The following SMOC2 variants were observed in gnomAD, a reference collection of about 807,000 sequenced individuals.
The protein encoded by SMOC2 is SPARC-related modular calcium-binding protein 2.
Under a neutral mutation model 61.4 loss-of-function variants are expected in SMOC2, and 39 were observed. The ratio of observed to expected loss-of-function variants is 0.64; its 90% CI spans 0.49 to 0.83. SMOC2 has a LOEUF of 0.83. Ranked by LOEUF, SMOC2 falls within the 40% of genes least tolerant of loss-of-function variation. The probability of loss-of-function intolerance (pLI) is 0.00; values close to 1 mark genes in which losing one functional copy is unlikely to be tolerated. For synonymous variants in SMOC2, 247 were observed against 239.9 expected, an observed-to-expected ratio of 1.03 and a Z score of -0.27; for missense variants, 556 against 592.9, an observed-to-expected ratio of 0.94 and a Z score of 0.65.
intron 9 of SMOC2, among the ~76,000 whole-genome samples, chr6:168,622,886 T>C (rs1302857121): frequency 6.6e-6 from 1 of 152,164 alleles, no homozygotes; most frequent in African/African-American, 2.4e-5. Context: ...CATGCCCACA[T>C]TTCTCCAAGG....
At chr6:168,582,948 A>G (rs1022819131) in intron 7 of SMOC2, among the ~76,000 whole-genome samples, 1 of 150,378 alleles carries the variant, frequency 6.6e-6, no homozygotes, top group African/African-American at 2.4e-5. Context: ...GCCTCCCTCA[A>G]TCTCCCCCTC....
chr6:168,454,713 GA>G (rs1781543130), intron 1 of SMOC2, among the ~76,000 whole-genome samples: 1 of 152,154 alleles, frequency 6.6e-6, no homozygotes, highest in Non-Finnish European at 1.5e-5. Flanking sequence ...TAAAATATGT[GA>G]AAAAAATCAT....
At chr6:168,515,203 CA>C (rs1031088720) in intron 2 of SMOC2, among the ~76,000 whole-genome samples, 1 of 151,998 alleles carries the variant, frequency 6.6e-6, no homozygotes, top group African/African-American at 2.4e-5. Context: ...GAGAAGTAGG[CA>C]AAAATAAAAT....
In SMOC2 at chr6:168,637,379, G is replaced by A. The variant is rs141866993; in HGVS notation, c.908-13302G>A. On this transcript the variant is annotated intron_variant, in intron 9 of 12. Coordinates refer to ENST00000356284, the MANE Select transcript of SMOC2 (RefSeq NM_001166412.2). Reference sequence around the variant, plus strand: ...CCTGGACCTGGAAGTGAGTTGTGGCGTCCACAGGACAGCTGAAGTCCTGCA... The same window carrying A: ...CCTGGACCTGGAAGTGAGTTGTGGCATCCACAGGACAGCTGAAGTCCTGCA... Among the ~76,000 whole-genome samples the A allele has an allele frequency of 3.7e-3, 560 of 152,248 alleles. 3 individuals carry two copies. Among genetic ancestry groups the A allele is most frequent in the Non-Finnish European group, 5.9e-3 (402 of 68,018 alleles).
At chr6:168,592,336 T>G (rs577848154) in intron 7 of SMOC2, among the ~76,000 whole-genome samples, 42 of 145,478 alleles carry the variant, frequency 2.9e-4, no homozygotes, top group African/African-American at 1.0e-3. Context: ...TTCTAGAGGA[T>G]CTCCGAGCTC....
In SMOC2 at chr6:168,453,922, G is replaced by C. The variant is rs1193786156; in HGVS notation, c.84+12468G>C. ...TTTCTCTCTGTCTTCCTCTCTCTCT[G>C]TCTCTCTGATTCTATCTTTGGTCTC... On this transcript the variant is annotated intron_variant, in intron 1 of 12. Coordinates refer to ENST00000356284, the MANE Select transcript of SMOC2 (RefSeq NM_001166412.2). The surrounding 1 kb of genome is among the most constrained non-coding windows in gnomAD (Gnocchi z 4.4). Among the ~76,000 whole-genome samples the C allele has an allele frequency of 6.6e-6, 1 of 151,064 alleles. No individual in the cohort carries two copies. The highest frequency in any genetic ancestry group is 1.5e-5 in the Non-Finnish European group (1 of 67,778).
intron 11 of SMOC2, 107 bp downstream of exon 11, chr6:168,653,335 C>CA (rs79649097): frequency 0.035 from 46,541 of 1,313,142 alleles, 1,418 homozygotes; most frequent in East Asian, 0.16. Context: ...CCTGGGAGTG[C>CA]AAAAAATCAA....
Position 168,598,942 on chromosome 6 carries a change from C to T in SMOC2, c.762C>T (p.Ser254=), listed in dbSNP as rs1341691714. ...GLYKPVQCHP[S]TGYCWCVLVD... ...ACAAGCCAGTGCAGTGCCACCCCTCCACGGGGTACTGCTGGTGCGTCCTGG... is the reference window on the plus strand; with the variant it reads ...ACAAGCCAGTGCAGTGCCACCCCTCTACGGGGTACTGCTGGTGCGTCCTGG... The change falls in exon 8 of 13, where the codon TCC becomes TCT. Residue 254 remains serine, a synonymous_variant. Transcript: ENST00000356284. 4 of 1,613,500 alleles carry T rather than the reference C, an allele frequency of 2.5e-6. No homozygotes were observed. In the Admixed American group the frequency reaches 5.0e-5, roughly 20 times the overall value.
intron 1 of SMOC2, among the ~76,000 whole-genome samples, chr6:168,483,985 C>T (rs1451388162): frequency 6.6e-6 from 1 of 152,098 alleles, no homozygotes; most frequent in Non-Finnish European, 1.5e-5. Flanking sequence ...AACTGTGAAA[C>T]TCCTGGAAGA....
intron 11 of SMOC2, among the ~76,000 whole-genome samples, chr6:168,662,503 A>G (rs1264259280): frequency 6.6e-6 from 1 of 152,202 alleles, no homozygotes; most frequent in African/African-American, 2.4e-5. Context: ...CTGGAGAGGA[A>G]CAGGCATCCG....
intron 9 of SMOC2, among the ~76,000 whole-genome samples, chr6:168,636,373 GT>G (rs1270061056): frequency 6.6e-6 from 1 of 152,226 alleles, no homozygotes; most frequent in Non-Finnish European, 1.5e-5. Flanking sequence ...GAGCCATATA[GT>G]ACAATGTGAA....
chr6:168,648,948 G>T (rs1787118432), intron 9 of SMOC2, among the ~76,000 whole-genome samples: 2 of 152,142 alleles, frequency 1.3e-5, no homozygotes, highest in Non-Finnish European at 2.9e-5. Flanking sequence ...CGGCCACATG[G>T]TCCACGCCAA....
intron 9 of SMOC2, among the ~76,000 whole-genome samples, chr6:168,618,204 C>T (rs1250308361): frequency 6.6e-6 from 1 of 152,248 alleles, no homozygotes; most frequent in African/African-American, 2.4e-5. Context: ...AAACGCGAGG[C>T]CTCCGTGCTC....
chr6:168,550,118 G>GT (rs1242108162), intron 7 of SMOC2, among the ~76,000 whole-genome samples: 1 of 152,154 alleles, frequency 6.6e-6, no homozygotes, highest in African/African-American at 2.4e-5. Flanking sequence ...TTGCTTGTGT[G>GT]TTTCTCATTG....
At position 168,486,543 on chromosome 6, in the gene SMOC2, G is replaced by A. The variant is rs190917186; in HGVS notation, c.85-23372G>A. ...GCAGAGATGGGAAGTTTGATTTGGC[G>A]TATTCTTACATGGAAGAGCGCTGTT... is the stretch of plus-strand genomic sequence containing the variant. On this transcript the variant is annotated intron_variant, in intron 1 of 12. Coordinates refer to ENST00000356284, the MANE Select transcript of SMOC2 (RefSeq NM_001166412.2). Among the ~76,000 whole-genome samples the A allele has an allele frequency of 5.3e-5, 8 of 151,918 alleles. No homozygotes were observed. The East Asian group carries it at 5.8e-4, about 11-fold the overall frequency.
At chr6:168,556,606 A>G (rs562085211) in intron 7 of SMOC2, among the ~76,000 whole-genome samples, 1 of 145,948 alleles carries the variant, frequency 6.9e-6, no homozygotes, top group Admixed American at 6.8e-5. Flanking sequence ...TTTTTTTTTT[A>G]AATTATACTT....
intron 4 of SMOC2, among the ~76,000 whole-genome samples, chr6:168,538,024 A>C (rs1018269698): frequency 1.1e-4 from 16 of 146,102 alleles, no homozygotes; most frequent in Non-Finnish European, 2.0e-4. Context: ...AATCTGGGGG[A>C]ATGGGGTGAC....
At position 168,652,806 on chromosome 6, in the gene SMOC2, T is replaced by G; in HGVS notation, c.1011-148T>G. On this transcript the variant is annotated intron_variant, in intron 10 of 12. Coordinates refer to ENST00000356284, the MANE Select transcript of SMOC2 (RefSeq NM_001166412.2). The stretch of plus-strand genomic sequence containing the variant: ...TGTTCTTCTAAATTATTTCTTTAAA[T>G]TGTTATATCTGATGACCAGTGCTGC... The G allele has an allele frequency of 3.3e-6, 2 of 602,726 alleles. 1 individual carries two copies. Among genetic ancestry groups the G allele is most frequent in the Non-Finnish European group, 5.6e-6 (2 of 354,022 alleles). 37.3% of individuals were successfully genotyped at this position (602,726 alleles called of 1,614,324 possible).
At chr6:168,513,208 AATG>A (rs1333014423) in intron 2 of SMOC2, among the ~76,000 whole-genome samples, 7 of 152,346 alleles carry the variant, frequency 4.6e-5, no homozygotes, top group African/African-American at 1.7e-4. Context: ...ATTTAAAATA[AATG>A]ATGTTTTGTA....
Sources: allele counts gnomAD v4.1 joint callset (sites outside exome capture counted in the v4.1 genomes callset), GRCh38; gene constraint gnomAD v4.1.1; non-coding constraint Gnocchi (gnomAD v3.1); transcripts MANE v1.5; gene names NCBI Gene and HGNC (gene_info 2026-07-23, HGNC 2026-07-21).